VEPH1: variants seen among roughly 807,000 people sequenced by gnomAD.
The protein encoded by VEPH1 is ventricular zone expressed PH domain containing 1, also known as ventricular zone-expressed PH domain-containing protein homolog 1.
In VEPH1, 80 loss-of-function variants were observed where a neutral mutation model predicts 85.2. The observed-to-expected ratio is 0.94, with a 90% CI of 0.78 to 1.13. The LOEUF is 1.13. Among genes scored for constraint, VEPH1 ranks in the 50% most tolerant of loss-of-function variants. VEPH1 has a pLI of 0.00. For missense variants in VEPH1, 955 were observed against 980.5 expected (o/e 0.97, Z 0.35); for synonymous variants, 297 against 348.0 (o/e 0.85, Z 1.63).
chr3:157,384,621 A>C (rs1167078079), intron 6 of VEPH1, among the ~76,000 whole-genome samples: 1 of 152,222 alleles, frequency 6.6e-6, no homozygotes, highest in Non-Finnish European at 1.5e-5. Context: ...GATCGCTGGC[A>C]GCCAACTGAG....
chr3:157,358,662 G>C (rs1411091228), intron 9 of VEPH1, among the ~76,000 whole-genome samples: 1 of 152,166 alleles, frequency 6.6e-6, no homozygotes, highest in African/African-American at 2.4e-5. Context: ...TTTTCAGTAA[G>C]GAGGCTTTAT....
At chr3:157,313,919 TG>T (rs1270413856) in intron 10 of VEPH1, among the ~76,000 whole-genome samples, 164 bp from the exon 11 acceptor site, 1 of 152,112 alleles carries the variant, frequency 6.6e-6, no homozygotes, top group Non-Finnish European at 1.5e-5. Flanking sequence ...CATATGGGGT[TG>T]GGCATGATGA....
rs745364280 is a variant in VEPH1 at position 157,363,581 on chromosome 3, AG to A, written c.1517del (p.Ser506PhefsTer11). ...GTATAATATTTGGGTATGAAACTGA[AG>A]ACTCCCCCAGCTGTGATCTCTCAGT... The part of the protein sequence containing the change: ...TDTERSQLGE[S>X]SVSYPNIIHI... On this transcript the variant is annotated frameshift_variant, in exon 9 of 14. Coordinates refer to ENST00000362010, the MANE Select transcript of VEPH1 (RefSeq NM_001167912.2). LOFTEE classifies it high-confidence loss of function. 5 of 1,614,126 alleles carry A rather than the reference AG, an allele frequency of 3.1e-6. No homozygotes were observed. In the South Asian group the frequency reaches 3.3e-5, roughly 11 times the overall value.
rs74633812 is a variant in VEPH1 at position 157,473,477 on chromosome 3, C to A, written c.139-2948G>T. On this transcript the variant is annotated intron_variant, in intron 2 of 13. Transcript: ENST00000362010. ...TCTAAAAAGATTTTTGTGTTTCATG[C>A]AGCCTTTCTGAGATCTATATATTTT... Among the ~76,000 whole-genome samples the A allele has an allele frequency of 8.3e-3, 1,262 of 152,090 alleles. 5 individuals carry two copies. Among genetic ancestry groups the A allele is most frequent in the Middle Eastern group, 0.031 (9 of 294 alleles).
chr3:157,320,610 A>C (rs1365468443), intron 9 of VEPH1, among the ~76,000 whole-genome samples: 2 of 152,262 alleles, frequency 1.3e-5, no homozygotes, highest in Middle Eastern at 3.4e-3. Flanking sequence ...TGCTTTCCAT[A>C]TTCAACCAAA....
intron 5 of VEPH1, 84 bp from the exon 6 acceptor site, chr3:157,414,174 AC>A (rs1248668265): frequency 8.8e-7 from 1 of 1,141,692 alleles, no homozygotes; most frequent in Non-Finnish European, 1.2e-6. Flanking sequence ...TTGAAAGCAA[AC>A]TTTTTTTGCA....
At chr3:157,450,202 C>T (rs1350862549) in intron 4 of VEPH1, among the ~76,000 whole-genome samples, 2 of 151,764 alleles carry the variant, frequency 1.3e-5, no homozygotes, top group Non-Finnish European at 2.9e-5. Context: ...ACTACAGGTG[C>T]ACACCACCAA....
intron 4 of VEPH1, chr3:157,459,896 G>A (rs1280852079): frequency 6.5e-7 from 1 of 1,537,056 alleles, no homozygotes; most frequent in African/African-American, 1.4e-5. Context: ...TTGAACAGGT[G>A]ACCAGAAGCA....
intron 2 of VEPH1, among the ~76,000 whole-genome samples, chr3:157,474,423 C>A (rs1305993567): frequency 6.6e-6 from 1 of 152,068 alleles, no homozygotes; most frequent in Non-Finnish European, 1.5e-5. Flanking sequence ...TACCTCATAT[C>A]ATTTGCCTAT....
At chr3:157,445,417 T>C (rs575559694) in intron 4 of VEPH1, among the ~76,000 whole-genome samples, 2 of 152,042 alleles carry the variant, frequency 1.3e-5, no homozygotes, top group African/African-American at 4.8e-5. Context: ...GCTCAGGAGA[T>C]CGAGACCATC....
At chr3:157,424,172 G>GTTTT (rs1312872266) in intron 5 of VEPH1, among the ~76,000 whole-genome samples, 23 of 152,164 alleles carry the variant, frequency 1.5e-4, no homozygotes, top group African/African-American at 5.3e-4. Flanking sequence ...AGTCTCACGA[G>GTTTT]ATCTGATGGT....
intron 12 of VEPH1, among the ~76,000 whole-genome samples, chr3:157,274,006 C>T (rs1038934661): frequency 3.3e-5 from 5 of 152,132 alleles, no homozygotes; most frequent in Admixed American, 1.3e-4. Flanking sequence ...AGTTGAAGTC[C>T]AGAATCTGCC....
chr3:157,276,754 A>G (rs1053319968), intron 12 of VEPH1, among the ~76,000 whole-genome samples: 11 of 152,166 alleles, frequency 7.2e-5, no homozygotes, highest in South Asian at 6.2e-4. Context: ...GGCACTTTCC[A>G]AGATGGTAAC....
At chr3:157,388,695 A>G (rs1284414665) in intron 6 of VEPH1, among the ~76,000 whole-genome samples, 2 of 152,216 alleles carry the variant, frequency 1.3e-5, no homozygotes, top group Non-Finnish European at 2.9e-5. Flanking sequence ...AGGTCAAAAT[A>G]TTTGGAAAAA....
chr3:157,488,940 C>CTCTA (rs1738942518), intron 2 of VEPH1: 1 of 241,694 alleles, frequency 4.1e-6, no homozygotes, highest in Non-Finnish European at 8.4e-6. Context: ...CTCTCTCTCT[C>CTCTA]TCTCTTTCTC....
intron 4 of VEPH1, chr3:157,437,145 G>T (rs1733662258): frequency 6.5e-7 from 1 of 1,528,670 alleles, no homozygotes; most frequent in Admixed American, 2.0e-5. Context: ...ATACTTTGTG[G>T]CCAGTGAGAC....
In VEPH1 at chr3:157,286,572, G is replaced by T. The variant is rs1273160676; in HGVS notation, c.2113C>A (p.Pro705Thr). The change falls in exon 12 of 14, where the codon CCT becomes ACT. Residue 705 changes from proline to threonine, a missense_variant. Coordinates refer to ENST00000362010, the MANE Select transcript of VEPH1 (RefSeq NM_001167912.2). The stretch of plus-strand genomic sequence containing the variant: ...GGTCTCTCACCAGTTGCTTTCTCAG[G>T]ATTGTTGCACATGAAGCATTGCCAT... ...GAWQCFMCNN[P>T]EKATVVNQDG... 1.9e-6 allele frequency: 3 copies of T among 1,613,984 alleles called. No individual in the cohort carries two copies. The South Asian group carries it at 3.3e-5, about 18-fold the overall frequency.
chr3:157,335,091 T>A (rs1468078286), intron 9 of VEPH1, among the ~76,000 whole-genome samples: 1 of 152,224 alleles, frequency 6.6e-6, no homozygotes, highest in Non-Finnish European at 1.5e-5. Flanking sequence ...AATATTATAA[T>A]GCTCAGAGTC....
At chr3:157,403,055 T>G (rs915605423) in intron 6 of VEPH1, among the ~76,000 whole-genome samples, 1 of 152,152 alleles carries the variant, frequency 6.6e-6, no homozygotes, top group Non-Finnish European at 1.5e-5. Flanking sequence ...AAGGCTGAAA[T>G]GTAAATATAA....
Sources: allele counts gnomAD v4.1 joint callset (sites outside exome capture counted in the v4.1 genomes callset), GRCh38; gene constraint gnomAD v4.1.1; transcripts MANE v1.5; gene names NCBI Gene and HGNC (gene_info 2026-07-23, HGNC 2026-07-21).